The following CLEC4F variants were observed in gnomAD, a reference collection of about 807,000 sequenced individuals.
The protein encoded by CLEC4F is C-type (calcium dependent, carbohydrate-recognition domain) lectin, superfamily member 13.
A neutral mutation model predicts 53.4 loss-of-function variants in CLEC4F; 45 were observed. The observed-to-expected ratio is 0.84, with a 90% CI of 0.66 to 1.08. CLEC4F has a LOEUF of 1.08. Ranked by LOEUF, CLEC4F falls within the 50% of genes least tolerant of loss-of-function variation. The probability of loss-of-function intolerance (pLI) is 0.00; values close to 1 mark genes in which losing one functional copy is unlikely to be tolerated. For missense variants in CLEC4F, 753 were observed against 698.2 expected (o/e 1.08, Z -0.88); for synonymous variants, 245 against 257.5 (o/e 0.95, Z 0.46).
chr2:70,823,894 GT>G (rs1324678973), upstream of CLEC4F, among the ~76,000 whole-genome samples: 2 of 152,014 alleles, frequency 1.3e-5, no homozygotes, highest in Non-Finnish European at 2.9e-5. Flanking sequence ...ACTGGGCATG[GT>G]GGCAGGTGAC....
At position 70,809,314 on chromosome 2, in the gene CLEC4F, C is replaced by T. The variant is rs550465148; in HGVS notation, c.1727G>A (p.Ser576Asn). 8.4e-5 allele frequency: 135 copies of T among 1,613,972 alleles called. 5 individuals carry two copies. In the South Asian group the frequency reaches 1.4e-3, roughly 17 times the overall value. The change falls in exon 7 of 7, where the codon AGC (serine) becomes AAC (asparagine). Residue 576 changes from serine to asparagine, a missense_variant. Ser to Asn is a conservative substitution (Grantham distance 46, BLOSUM62 1). Transcript: ENST00000272367. ...GGGACAGGGAGGGGTGTCTATGAAG[C>T]TGCAAGCTCCCATCCCAGAATTCAC... ...IIVNSGMGAC[S>N]FIDTPPCPWI...
chr2:70,817,833 G>T (rs1204225863), intron 3 of CLEC4F, among the ~76,000 whole-genome samples: 4 of 152,184 alleles, frequency 2.6e-5, no homozygotes, highest in African/African-American at 9.7e-5. Context: ...GTTACATAGG[G>T]CAAGGGTCCC....
chr2:70,819,725 G>T (rs1677125047), intron 2 of CLEC4F, 50 bp downstream of exon 2: 1 of 1,373,514 alleles, frequency 7.3e-7, no homozygotes, highest in Non-Finnish European at 1.0e-6. Context: ...TGGGGACTTT[G>T]TGCTGAAAGG....
chr2:70,821,963 A>T (rs6749933), upstream of CLEC4F, among the ~76,000 whole-genome samples: 141,459 of 151,928 alleles, frequency 0.93, 66,093 homozygotes, highest in Non-Finnish European at 0.97. Context: ...CTCTTTTTAT[A>T]CCCCAGGCTG....
At chr2:70,820,386 C>A in intron 1 of CLEC4F, 77 bp downstream of exon 1, 1 of 1,339,532 alleles carries the variant, frequency 7.5e-7, no homozygotes, top group South Asian at 1.4e-5. Flanking sequence ...CAGCAATAAG[C>A]TGCCTTATGG....
intron 4 of CLEC4F, among the ~76,000 whole-genome samples, chr2:70,813,557 TTC>T (rs1676693354): frequency 1.4e-5 from 2 of 147,654 alleles, no homozygotes; most frequent in African/African-American, 5.1e-5. Flanking sequence ...CTTTCTTTTT[TTC>T]TTTCTTTCTC....
At chr2:70,818,896 A>C (rs1206929598) in intron 3 of CLEC4F, among the ~76,000 whole-genome samples, 1 of 152,000 alleles carries the variant, frequency 6.6e-6, no homozygotes, top group African/African-American at 2.4e-5. Context: ...AAGACAAGTC[A>C]CAGACTGAGA....
At chr2:70,820,611 T>A, upstream of CLEC4F, 2 of 1,305,630 alleles carry the variant, frequency 1.5e-6, no homozygotes, top group Non-Finnish European at 2.1e-6. Context: ...GAAGCAAAGC[T>A]GAGACACCCA....
upstream of CLEC4F, among the ~76,000 whole-genome samples, chr2:70,824,045 AG>A (rs56768570): frequency 0.31 from 39,085 of 125,182 alleles, 7,481 homozygotes; most frequent in East Asian, 0.42. Context: ...AAAGAAAGAA[AG>A]AAAGAAAGAA....
chr2:70,810,802 G>A (rs781902639), intron 5 of CLEC4F: 3 of 518,552 alleles, frequency 5.8e-6, no homozygotes, highest in Non-Finnish European at 7.5e-6. Flanking sequence ...TTCCCTTCAT[G>A]CTTCACTTTC....
chr2:70,816,101 T>A lies in CLEC4F; in HGVS notation c.1280A>T (p.Asp427Val). ...ASAEIQRLRG[D>V]LENTKALTME... ...GGTTAGAGCTTTGGTGTTCTCTAGA[T>A]CCCCTCTTAACCTCTGGATCTCGGC... Residue 427 changes from aspartate to valine, a missense_variant, in exon 4 of 7, where the codon GAT (aspartate) becomes GTT (valine). Physicochemically the swap from Asp to Val is radical, Grantham distance 152 (BLOSUM62 -3). Coordinates refer to ENST00000272367, the MANE Select transcript of CLEC4F (RefSeq NM_173535.3). 6.2e-7 allele frequency: 1 copy of A among 1,614,194 alleles called. No individual in the cohort carries two copies. Among genetic ancestry groups the A allele is most frequent in the Non-Finnish European group, 8.5e-7 (1 of 1,180,032 alleles).
chr2:70,819,729 T>C (rs1220871888), intron 2 of CLEC4F, 46 bp downstream of exon 2: 3 of 1,409,036 alleles, frequency 2.1e-6, no homozygotes, highest in Non-Finnish European at 2.9e-6. Context: ...GACTTTGTGC[T>C]GAAAGGAGAG....
rs1553394910 is a variant in CLEC4F, at chr2:70,813,585, C to CTTTCTTTCTT, written c.1388-988_1388-987insAAGAAAGAAA. On this transcript the variant is annotated intron_variant, in intron 4 of 6. Transcript: ENST00000272367. ...TTTCTTTCTCTTTCTTTTTCTTTCT[C>CTTTCTTTCTT]TCTCTTTCTTTCTCTTTCTTTCTTT... Among the ~76,000 whole-genome samples the CTTTCTTTCTT allele has an allele frequency of 6.3e-3, 692 of 110,680 alleles. 9 individuals are homozygous for CTTTCTTTCTT. The highest frequency in any genetic ancestry group is 0.026 in the Middle Eastern group (5 of 196). The allele number at this position is 110,680 out of a possible 152,430, so 72.6% of individuals were successfully genotyped here. A position where few individuals can be genotyped will look rare whatever the true frequency, so the allele number is the denominator to read the frequency against.
At chr2:70,810,054 G>A (rs1284597240) in intron 5 of CLEC4F, among the ~76,000 whole-genome samples, 197 bp from the exon 6 acceptor site, 20 of 151,926 alleles carry the variant, frequency 1.3e-4, no homozygotes, top group African/African-American at 4.8e-4. Flanking sequence ...GAATTTTTTA[G>A]GATATCTAAA....
intron 4 of CLEC4F, among the ~76,000 whole-genome samples, chr2:70,813,535 CTTTTTTTCTTTCTTTCTTTT>C (rs1558612258): frequency 1.5e-3 from 143 of 93,012 alleles, no homozygotes; most frequent in African/African-American, 4.7e-3. Flanking sequence ...TTCTTTCTTT[CTTTTTTTCTTTCTTTCTTTT>C]TTTCTTTCTT....
In CLEC4F at chr2:70,809,833, T is replaced by C; in HGVS notation, c.1564A>G (p.Lys522Glu). The C allele has an allele frequency of 6.2e-7, 1 of 1,613,358 alleles. No homozygotes were observed. The highest frequency in any genetic ancestry group is 8.5e-7 in the Non-Finnish European group (1 of 1,179,240). Residue 522 changes from lysine (K) to glutamate (E), a missense_variant, in exon 6 of 7, where the codon AAA becomes GAA. Lys to Glu is a moderately conservative substitution (Grantham distance 56). Coordinates refer to ENST00000272367, the MANE Select transcript of CLEC4F (RefSeq NM_173535.3). ...GTGAGACCGATCCAGTAGTACACTTTACTTGTGAACTCTACCAGAAATGCC... is the reference window on the plus strand; with the variant it reads ...GTGAGACCGATCCAGTAGTACACTTCACTTGTGAACTCTACCAGAAATGCC... ...EQAFLVEFTS[K>E]VYYWIGLTDR... is the part of the protein sequence containing the mutation.
Position 70,820,464 on chromosome 2 carries a change from T to C in CLEC4F, c.60A>G (p.Gln20=). Residue 20 remains glutamine, a splice_region_variant and synonymous_variant, in exon 1 of 7, where the codon CAA becomes CAG. Transcript: ENST00000272367. The part of the protein sequence containing the change: ...TDNQCVSLHP[Q]EVDSVAMAPA... ...GAGCTGGGGCCCCAGTTTTCTCACC[T>C]TGGGGGTGCAGGGAGACACACTGGT... The C allele has an allele frequency of 1.1e-5, 17 of 1,583,918 alleles. No homozygotes were observed. Among genetic ancestry groups the C allele is most frequent in the Non-Finnish European group, 1.5e-5 (17 of 1,162,874 alleles).
At chr2:70,811,495 C>T (rs1676560021) in intron 5 of CLEC4F, 2 of 477,766 alleles carry the variant, frequency 4.2e-6, no homozygotes, top group East Asian at 9.4e-5. Context: ...CCTCCCATAG[C>T]TTATTAAGAA....
chr2:70,810,993 A>G (rs1574365339), intron 5 of CLEC4F: 2 of 589,296 alleles, frequency 3.4e-6, no homozygotes, highest in Non-Finnish European at 6.7e-6. Flanking sequence ...TGTAAATTCT[A>G]CGGCATACTG....
Sources: gnomAD v4.1 joint callset for allele counts (sites outside exome capture counted in the v4.1 genomes callset) on GRCh38, gnomAD v4.1.1 for gene constraint, MANE v1.5 for transcripts, NCBI Gene and HGNC (gene_info 2026-07-23, HGNC 2026-07-21) for gene names.